The following RBFOX1 variants were observed in gnomAD, a reference collection of about 807,000 sequenced individuals.
The protein encoded by RBFOX1 is RNA binding protein fox-1 homolog 1.
RBFOX1 carries 8 observed loss-of-function variants against 57.7 expected under a neutral mutation model. The observed-to-expected ratio is 0.14, with a 90% CI of 0.08 to 0.25. RBFOX1 has a LOEUF of 0.25. Among genes scored for constraint, RBFOX1 ranks in the 10% least tolerant of loss-of-function variants. RBFOX1 has a pLI of 1.00. For missense variants in RBFOX1, 611 were observed against 548.5 expected (o/e 1.11, Z -1.14); for synonymous variants, 326 against 222.4 (o/e 1.47, Z -4.15).
At chr16:5,638,607 T>C (rs1318035813) in intron 3 of RBFOX1, among the ~76,000 whole-genome samples, 2 of 152,106 alleles carry the variant, frequency 1.3e-5, no homozygotes, top group Non-Finnish European at 2.9e-5. Context: ...GCCTCTACCT[T>C]CTTTATTTAC....
At chr16:6,922,641 C>A (rs1037520357) in intron 3 of RBFOX1, among the ~76,000 whole-genome samples, 4 of 152,138 alleles carry the variant, frequency 2.6e-5, no homozygotes, top group Non-Finnish European at 5.9e-5. Context: ...AAATGTGCAG[C>A]CACCTGTAAG....
At chr16:6,780,167 A>G (rs1272548291) in intron 3 of RBFOX1, among the ~76,000 whole-genome samples, 1 of 38,018 alleles carries the variant, frequency 2.6e-5, no homozygotes, top group Non-Finnish European at 3.6e-5. Context: ...ATATTTATAT[A>G]TTTTTATATA....
At chr16:6,569,359 C>T (rs930270509) in intron 2 of RBFOX1, among the ~76,000 whole-genome samples, 4 of 152,162 alleles carry the variant, frequency 2.6e-5, no homozygotes, top group African/African-American at 7.2e-5. Context: ...TGTGAGGATT[C>T]AGTAAGTTAC....
At chr16:6,114,956 A>G (rs1323666458) in intron 1 of RBFOX1, among the ~76,000 whole-genome samples, 2 of 152,202 alleles carry the variant, frequency 1.3e-5, no homozygotes, top group Admixed American at 1.3e-4. Flanking sequence ...TTTCAGTTAC[A>G]TGCAAATTAA....
chr16:6,749,360 C>T (rs2154189788), intron 3 of RBFOX1, among the ~76,000 whole-genome samples: 1 of 152,274 alleles, frequency 6.6e-6, no homozygotes, highest in Non-Finnish European at 1.5e-5. Flanking sequence ...AAAGTAAGTG[C>T]TCAGGACATG....
chr16:5,333,391 T>C (rs1420586875), intron 1 of RBFOX1, among the ~76,000 whole-genome samples: 1 of 152,208 alleles, frequency 6.6e-6, no homozygotes, highest in Non-Finnish European at 1.5e-5. Flanking sequence ...AGTTGAGTAA[T>C]TGAGACAGAG....
At position 7,472,953 on chromosome 16, in the gene RBFOX1, T is replaced by TGGCTATGCCTTTCATA. The variant is rs1555493285; in HGVS notation, c.28-45189_28-45174dup. 1.1e-4 allele frequency among the ~76,000 whole-genome samples: 9 copies of TGGCTATGCCTTTCATA among 84,292 alleles called. No homozygotes were observed. The East Asian group carries it at 1.6e-3, about 15-fold the overall frequency. The allele number at this position is 84,292 out of a possible 152,430, so 55.3% of individuals were successfully genotyped here. ...GACGTCTGAAAAACATACAGGGATT[T>TGGCTATGCCTTTCATA]GGCTATGCCTTTCATAGGCTGTGTG... On this transcript the variant is annotated intron_variant, in intron 4 of 15. Transcript: ENST00000550418.
intron 4 of RBFOX1, among the ~76,000 whole-genome samples, chr16:7,455,551 A>T (rs2058326395): frequency 6.6e-6 from 1 of 151,972 alleles, no homozygotes; most frequent in Admixed American, 6.6e-5. Flanking sequence ...TAGCACATTG[A>T]GAGGCCGAGG....
chr16:6,606,565 G>T (rs1326358691), intron 2 of RBFOX1, among the ~76,000 whole-genome samples: 1 of 152,004 alleles, frequency 6.6e-6, no homozygotes, highest in Non-Finnish European at 1.5e-5. Flanking sequence ...CCCTCCCTGT[G>T]TCCATGTGTT....
At chr16:5,427,658 G>A (rs1229451204) in intron 1 of RBFOX1, among the ~76,000 whole-genome samples, 2 of 152,066 alleles carry the variant, frequency 1.3e-5, no homozygotes, top group African/African-American at 4.8e-5. Flanking sequence ...ACAGGCTGGA[G>A]GCTCAGGACA....
chr16:7,572,935 G>A (rs1037523982), intron 5 of RBFOX1, among the ~76,000 whole-genome samples: 1 of 152,086 alleles, frequency 6.6e-6, no homozygotes, highest in Admixed American at 6.6e-5. Flanking sequence ...GGGTTTCAGT[G>A]AACAGAAAAG....
At chr16:6,684,628 A>G (rs1468040776) in intron 3 of RBFOX1, among the ~76,000 whole-genome samples, 1 of 152,180 alleles carries the variant, frequency 6.6e-6, no homozygotes, top group East Asian at 1.9e-4. Context: ...GGGGACAGCC[A>G]CTGGAATGGG....
intron 3 of RBFOX1, among the ~76,000 whole-genome samples, chr16:5,752,695 AG>A (rs1434987099): frequency 6.6e-6 from 1 of 152,198 alleles, no homozygotes; most frequent in Admixed American, 6.5e-5. Flanking sequence ...GAACCCTCTT[AG>A]GAGGTGAGGG....
At chr16:7,011,808 C>G (rs140023417) in intron 3 of RBFOX1, among the ~76,000 whole-genome samples, 9 of 152,188 alleles carry the variant, frequency 5.9e-5, no homozygotes, top group Admixed American at 1.3e-4. Context: ...GCCGCCGCAC[C>G]GTGCCCCAAG....
chr16:6,510,224 G>A (rs2096224342), intron 2 of RBFOX1, among the ~76,000 whole-genome samples: 3 of 152,112 alleles, frequency 2.0e-5, no homozygotes, highest in African/African-American at 7.2e-5. Flanking sequence ...GTCTCATGTG[G>A]CTGGCATTGA....
intron 3 of RBFOX1, among the ~76,000 whole-genome samples, chr16:5,706,277 G>A (rs1218706483): frequency 6.6e-6 from 1 of 152,210 alleles, no homozygotes; most frequent in Non-Finnish European, 1.5e-5. Flanking sequence ...GTGTACAGGT[G>A]AGGAATTTGG....
chr16:5,641,429 G>A (rs1046563712), intron 3 of RBFOX1, among the ~76,000 whole-genome samples: 30 of 152,264 alleles, frequency 2.0e-4, no homozygotes, highest in Non-Finnish European at 3.7e-4. Context: ...CAACTGCAAA[G>A]CAGGCTGAGG....
chr16:5,922,116 G>A (rs569068420), intron 4 of RBFOX1, among the ~76,000 whole-genome samples: 20 of 152,196 alleles, frequency 1.3e-4, no homozygotes, highest in African/African-American at 4.3e-4. Context: ...AGCTCTGATC[G>A]CACCACTGCA....
At chr16:6,206,810 A>G (rs1211572508) in intron 1 of RBFOX1, among the ~76,000 whole-genome samples, 1 of 152,138 alleles carries the variant, frequency 6.6e-6, no homozygotes, top group African/African-American at 2.4e-5. Flanking sequence ...GGTGATTTCA[A>G]CAGGCAACTG....
Sources: gnomAD v4.1 joint callset for allele counts (sites outside exome capture counted in the v4.1 genomes callset) on GRCh38, gnomAD v4.1.1 for gene constraint, MANE v1.5 for transcripts, NCBI Gene and HGNC (gene_info 2026-07-23, HGNC 2026-07-21) for gene names.